The following TECTA variants were observed in gnomAD, a reference collection of about 807,000 sequenced individuals.
The protein encoded by TECTA is tectorin alpha.
TECTA carries 128 observed loss-of-function variants against 216.8 expected under a neutral mutation model. That is an observed-to-expected ratio of 0.59 (90% CI 0.51 to 0.68). The LOEUF (loss-of-function observed/expected upper bound fraction) is 0.68, where lower values mean the gene tolerates loss of function less well. Ranked by LOEUF, TECTA falls within the 30% of genes least tolerant of loss-of-function variation. TECTA has a pLI of 0.00. For synonymous variants in TECTA, 1,089 were observed against 1,117.1 expected, an observed-to-expected ratio of 0.97 and a Z score of 0.50; for missense variants, 2,551 against 2,786.2, an observed-to-expected ratio of 0.92 and a Z score of 1.90.
intron 11 of TECTA, among the ~76,000 whole-genome samples, chr11:121,144,579 C>T (rs967860503): frequency 1.3e-5 from 2 of 152,214 alleles, no homozygotes; most frequent in Admixed American, 1.3e-4. Flanking sequence ...CTCTATCTTC[C>T]ATCATGCACT....
At chr11:121,146,255 A>G in intron 12 of TECTA, 139 bp downstream of exon 12, 1 of 1,014,800 alleles carries the variant, frequency 9.9e-7, no homozygotes, top group South Asian at 1.4e-5. Context: ...TGAGTTTGTT[A>G]TCTGAATGAA....
rs781069309 is a variant in TECTA, at chr11:121,153,114, C to T, written c.4305+34C>T. On this transcript the variant is annotated intron_variant, in intron 13 of 23. Coordinates refer to ENST00000392793, the MANE Select transcript of TECTA (RefSeq NM_005422.4). ...GGCCAGCCCGGCCTTTTCCTCCTTGCCAATGATCAGATTCCTCTCCAACTC... is the reference window on the plus strand; with the variant it reads ...GGCCAGCCCGGCCTTTTCCTCCTTGTCAATGATCAGATTCCTCTCCAACTC... 2.6e-5 allele frequency: 42 copies of T among 1,595,098 alleles called. No homozygotes were observed. In the Middle Eastern group the frequency reaches 9.4e-4, roughly 36 times the overall value.
rs544376595 is a variant in TECTA, at chr11:121,129,913, C to T, written c.2643C>T (p.Phe881=). ...LAVFLESWTT[F]EEICNGECGD... ...TGTTCCTGGAAAGCTGGACAACTTT[C>T]GAGGAGATCTGCAATGGAGAGTGTG... is the stretch of plus-strand genomic sequence containing the variant. The change falls in exon 10 of 24, where the codon TTC becomes TTT. Residue 881 remains phenylalanine (F), a synonymous_variant. Coordinates refer to ENST00000392793, the MANE Select transcript of TECTA (RefSeq NM_005422.4). 1.1e-5 allele frequency: 18 copies of T among 1,613,838 alleles called. No homozygotes were observed. The highest frequency in any genetic ancestry group is 1.1e-4 in the East Asian group (5 of 44,882).
At chr11:121,170,427 TGTTTTGTTTTGTTTG>T (rs368980995) in intron 20 of TECTA, among the ~76,000 whole-genome samples, 3,242 of 151,904 alleles carry the variant, frequency 0.021, 113 homozygotes, top group African/African-American at 0.074. Flanking sequence ...TTTTTTGTTT[TGTTTTGTTTTGTTTG>T]GTTTTGTTTT....
At chr11:121,138,717 C>T (rs1265849385) in intron 11 of TECTA, among the ~76,000 whole-genome samples, 10 of 152,226 alleles carry the variant, frequency 6.6e-5, no homozygotes, top group Non-Finnish European at 1.5e-4. Flanking sequence ...GCTCTGTGCA[C>T]TCCTCGTCTG....
At chr11:121,126,172 G>T (rs1345145752) in intron 8 of TECTA, among the ~76,000 whole-genome samples, 1 of 152,224 alleles carries the variant, frequency 6.6e-6, no homozygotes, top group Non-Finnish European at 1.5e-5. Context: ...GAGGTGGGTT[G>T]TCCAGAGGTG....
At chr11:121,119,551 A>G (rs960150810) in intron 7 of TECTA, among the ~76,000 whole-genome samples, 1 of 152,236 alleles carries the variant, frequency 6.6e-6, no homozygotes, top group African/African-American at 2.4e-5. Flanking sequence ...GTTAATCAAG[A>G]CCTTGTTGCA....
intron 15 of TECTA, among the ~76,000 whole-genome samples, chr11:121,161,478 T>C (rs1051170922): frequency 1.3e-5 from 2 of 149,856 alleles, no homozygotes; most frequent in African/African-American, 4.9e-5. Context: ...GTTCAGTTCC[T>C]CCTGAGGAAT....
chr11:121,146,163 A>G, intron 12 of TECTA, 47 bp downstream of exon 12: 7 of 1,595,396 alleles, frequency 4.4e-6, no homozygotes, highest in Non-Finnish European at 5.1e-6. Context: ...CTCTTTCTTG[A>G]TTGCTCTGGG....
intron 10 of TECTA, among the ~76,000 whole-genome samples, chr11:121,135,619 A>C (rs1191062378): frequency 6.6e-6 from 1 of 152,252 alleles, no homozygotes; most frequent in Non-Finnish European, 1.5e-5. Flanking sequence ...CTTTCAGTCC[A>C]CAGTGCAGAA....
rs1396473040 is a variant in TECTA at position 121,105,412 on chromosome 11, C to T, written c.65-419C>T. ...TTGTGCAGCAAGAGGGAGGGAACTC[C>T]TTTCAGGAAAACACACGATAGTGGA... On this transcript the variant is annotated intron_variant, in intron 2 of 23. Coordinates refer to ENST00000392793, the MANE Select transcript of TECTA (RefSeq NM_005422.4). The surrounding 1 kb of genome is among the most constrained non-coding windows in gnomAD (Gnocchi z 5.3). 6.6e-6 allele frequency among the ~76,000 whole-genome samples: 1 copy of T among 152,178 alleles called. No homozygotes were observed. Among genetic ancestry groups the T allele is most frequent in the Non-Finnish European group, 1.5e-5 (1 of 68,026 alleles).
In TECTA at chr11:121,113,335, G is replaced by A. The variant is rs1222534874; in HGVS notation, c.624+126G>A. 2 of 1,545,496 alleles carry A rather than the reference G, an allele frequency of 1.3e-6. No homozygotes were observed. The highest frequency in any genetic ancestry group is 1.8e-6 in the Non-Finnish European group (2 of 1,130,284). The stretch of plus-strand genomic sequence containing the variant: ...TAGAGACGCAGGTCTGATCTCGCAG[G>A]TGGACTACGAGGCTAGTCCTGCCCA... On this transcript the variant is annotated intron_variant, in intron 5 of 23. Transcript: ENST00000392793. This position sits in a 1 kb window ranked among gnomAD's most constrained non-coding sequence, Gnocchi z 4.2.
intron 14 of TECTA, 33 bp downstream of exon 14, chr11:121,158,257 G>T (rs150026036): frequency 1.1e-4 from 175 of 1,606,002 alleles, no homozygotes; most frequent in Non-Finnish European, 1.4e-4. Flanking sequence ...TTAAGAAGGG[G>T]CCCGGAAACA....
Position 121,157,942 on chromosome 11 carries a change from G to A in TECTA, c.4407G>A (p.Glu1469=), listed in dbSNP as rs1946958793. 1 of 1,613,930 alleles carries A rather than the reference G, an allele frequency of 6.2e-7. No homozygotes were observed. Among genetic ancestry groups the A allele is most frequent in the African/African-American group, 1.3e-5 (1 of 74,954 alleles). ...CDPRQCKSDE[E]CALRNGVRGC... ...CGCGCCAATGCAAGTCAGACGAGGAGTGTGCGCTGCGCAACGGGGTGCGCG... is the reference window on the plus strand; with the variant it reads ...CGCGCCAATGCAAGTCAGACGAGGAATGTGCGCTGCGCAACGGGGTGCGCG... The change falls in exon 14 of 24, where the codon GAG becomes GAA. Residue 1469 remains glutamate (E), a synonymous_variant. Coordinates refer to ENST00000392793, the MANE Select transcript of TECTA (RefSeq NM_005422.4).
chr11:121,156,135 T>C (rs1473003018), intron 13 of TECTA, among the ~76,000 whole-genome samples: 1 of 152,196 alleles, frequency 6.6e-6, no homozygotes, highest in African/African-American at 2.4e-5. Flanking sequence ...TTTAATTTAA[T>C]CCTCACAACT....
chr11:121,189,851 C>T lies in TECTA; in HGVS notation c.6338C>T (p.Thr2113Ile). Reference sequence around the variant, plus strand: ...CCTCTCTGCAGCTGTGTAACAGGAACCCTGCAGGAGGACGGCAAGAGCTGC... The same window carrying T: ...CCTCTCTGCAGCTGTGTAACAGGAATCCTGCAGGAGGACGGCAAGAGCTGC... Reference protein sequence around the residue: ...DGPLCSCVTGTLQEDGKSCRA... With the variant: ...DGPLCSCVTGILQEDGKSCRA... The change falls in exon 23 of 24, where the codon ACC (threonine) becomes ATC (isoleucine). Residue 2113 changes from threonine to isoleucine, a missense_variant. This residue lies in a region of TECTA where 118 missense variants were observed against 116.4 expected (regional missense o/e 1.01). Coordinates refer to ENST00000392793, the MANE Select transcript of TECTA (RefSeq NM_005422.4). 6.2e-7 allele frequency: 1 copy of T among 1,613,488 alleles called. No individual in the cohort carries two copies. Among genetic ancestry groups the T allele is most frequent in the Non-Finnish European group, 8.5e-7 (1 of 1,179,934 alleles).
chr11:121,136,686 C>T (rs1199368674), intron 10 of TECTA, among the ~76,000 whole-genome samples: 6 of 152,050 alleles, frequency 3.9e-5, no homozygotes, highest in Non-Finnish European at 8.8e-5. Context: ...CATGAAATAA[C>T]ATCCCAAAGT....
Position 121,190,872 on chromosome 11 carries a change from T to C in TECTA, c.*66T>C. The C allele has an allele frequency of 8.1e-7, 1 of 1,242,178 alleles. No individual in the cohort carries two copies. Among genetic ancestry groups the C allele is most frequent in the South Asian group, 1.2e-5 (1 of 80,352 alleles). The allele number at this position is 1,242,178 out of a possible 1,614,324, so 76.9% of individuals were successfully genotyped here. ...CTTCAACACCCTGTAGGATAAAAAGTGTGTGCCCTTAAGTCAAAACCTATT... is the reference window on the plus strand; with the variant it reads ...CTTCAACACCCTGTAGGATAAAAAGCGTGTGCCCTTAAGTCAAAACCTATT... On this transcript the variant is annotated 3_prime_UTR_variant, in exon 24 of 24. Transcript: ENST00000392793.
chr11:121,138,857 G>T (rs1237058525), intron 11 of TECTA, among the ~76,000 whole-genome samples: 1 of 152,200 alleles, frequency 6.6e-6, no homozygotes, highest in Non-Finnish European at 1.5e-5. Context: ...CTGATTTAGG[G>T]TGCTTGCCTT....
Sources: allele counts gnomAD v4.1 joint callset (sites outside exome capture counted in the v4.1 genomes callset), GRCh38; gene constraint gnomAD v4.1.1; regional missense constraint gnomAD v4.1.1; non-coding constraint Gnocchi (gnomAD v3.1); transcripts MANE v1.5; gene names NCBI Gene and HGNC (gene_info 2026-07-23, HGNC 2026-07-21).